The following MYO6 variants were observed in gnomAD, a reference collection of about 807,000 sequenced individuals.
MYO6 encodes the protein unconventional myosin-VI.
MYO6 carries 74 observed loss-of-function variants against 178.7 expected under a neutral mutation model. The ratio of observed to expected loss-of-function variants is 0.41; its 90% CI spans 0.34 to 0.50. The LOEUF (loss-of-function observed/expected upper bound fraction) is 0.50, where lower values mean the gene tolerates loss of function less well. MYO6 is among the 20% of genes least tolerant of loss of function. MYO6 has a pLI of 0.09. For missense variants in MYO6, 1,330 were observed against 1,547.4 expected, an observed-to-expected ratio of 0.86 and a Z score of 2.36; for synonymous variants, 477 against 504.6, an observed-to-expected ratio of 0.95 and a Z score of 0.73.
intron 23 of MYO6, among the ~76,000 whole-genome samples, chr6:75,885,031 C>T (rs1231376511): frequency 6.6e-6 from 1 of 152,130 alleles, no homozygotes; most frequent in Admixed American, 6.5e-5. Flanking sequence ...ATGTTTGTTT[C>T]AAAGTTAAAC....
chr6:75,904,750 G>C (rs1273035935), intron 30 of MYO6, among the ~76,000 whole-genome samples: 1 of 152,218 alleles, frequency 6.6e-6, no homozygotes, highest in East Asian at 1.9e-4. Flanking sequence ...TCTCCGTCCA[G>C]CTTTGTTCCG....
At chr6:75,893,515 C>A (rs1779065914) in intron 28 of MYO6, among the ~76,000 whole-genome samples, 5 of 151,946 alleles carry the variant, frequency 3.3e-5, no homozygotes, top group Admixed American at 3.3e-4. Context: ...CACTAGATGG[C>A]GATGTTTCCT....
At chr6:75,905,426 A>AT (rs1012385897) in intron 30 of MYO6, among the ~76,000 whole-genome samples, 6 of 152,138 alleles carry the variant, frequency 3.9e-5, no homozygotes, top group Non-Finnish European at 5.9e-5. Context: ...CTGGTGCGCC[A>AT]TTTTTTTAAG....
At chr6:75,758,156 T>C (rs1445883568) in intron 1 of MYO6, among the ~76,000 whole-genome samples, 4 of 151,728 alleles carry the variant, frequency 2.6e-5, no homozygotes, top group Admixed American at 2.0e-4. Context: ...TTTTGTATTT[T>C]TAGTAGACAC....
At chr6:75,844,823 T>G in intron 9 of MYO6, 74 bp from the exon 10 acceptor site, 1 of 1,200,278 alleles carries the variant, frequency 8.3e-7, no homozygotes, top group Non-Finnish European at 1.2e-6. Context: ...CACTATTTGG[T>G]AAGTTGTGTT....
At chr6:75,788,316 A>T (rs983115315) in intron 1 of MYO6, among the ~76,000 whole-genome samples, 2 of 152,072 alleles carry the variant, frequency 1.3e-5, no homozygotes, top group African/African-American at 4.8e-5. Flanking sequence ...GTGAGCCAAG[A>T]TCGTGCCACT....
intron 1 of MYO6, among the ~76,000 whole-genome samples, chr6:75,773,081 A>G (rs1297388958): frequency 1.3e-5 from 2 of 152,240 alleles, no homozygotes; most frequent in Non-Finnish European, 2.9e-5. Flanking sequence ...GTGAAATAAT[A>G]TAGTTGGTGC....
chr6:75,839,776 A>C (rs1017723023), intron 7 of MYO6, among the ~76,000 whole-genome samples: 6 of 152,116 alleles, frequency 3.9e-5, no homozygotes, highest in African/African-American at 1.4e-4. Context: ...TAAACTCTTA[A>C]TTTGTTAAAT....
chr6:75,785,085 T>C (rs1249227184), intron 1 of MYO6, among the ~76,000 whole-genome samples: 2 of 152,212 alleles, frequency 1.3e-5, no homozygotes, highest in African/African-American at 4.8e-5. Flanking sequence ...ATTCAAGGGA[T>C]ATTTTATTGA....
rs528865796 is a variant in MYO6, at chr6:75,900,794, A to C, written c.3176+2383A>C. ...TGCCATTGCTTTTGGTGTTTTAGAC[A>C]TGAAGTCCTTGCCCATGCCTATGTC... On this transcript the variant is annotated intron_variant, in intron 30 of 34. Coordinates refer to ENST00000369977, the MANE Select transcript of MYO6 (RefSeq NM_004999.4). 2.9e-3 allele frequency among the ~76,000 whole-genome samples: 445 copies of C among 151,634 alleles called. 5 individuals are homozygous for C. The highest frequency in any genetic ancestry group is 0.01 in the African/African-American group (429 of 41,334).
At position 75,860,744 on chromosome 6, in the gene MYO6, T is replaced by C. The variant is rs1776130016; in HGVS notation, c.1474-279T>C. Among the ~76,000 whole-genome samples, 3 of 152,360 alleles carry C rather than the reference T, an allele frequency of 2.0e-5. No homozygotes were observed. The South Asian group carries it at 6.2e-4, about 32-fold the overall frequency. On this transcript the variant is annotated intron_variant, in intron 14 of 34. Coordinates refer to ENST00000369977, the MANE Select transcript of MYO6 (RefSeq NM_004999.4). Reference sequence around the variant, plus strand: ...GGACTCAAATTTGATCATATATTGTTCTTCTAAATTACACTTATTTTCCCC... The same window carrying C: ...GGACTCAAATTTGATCATATATTGTCCTTCTAAATTACACTTATTTTCCCC...
chr6:75,898,332 G>T, intron 29 of MYO6, 41 bp from the exon 30 acceptor site: 2 of 1,371,502 alleles, frequency 1.5e-6, no homozygotes, highest in South Asian at 1.2e-5. Flanking sequence ...TATGTAGTAT[G>T]ACTTTTATGT....
chr6:75,854,332 A>G (rs1432742398), intron 11 of MYO6, among the ~76,000 whole-genome samples: 2 of 130,626 alleles, frequency 1.5e-5, no homozygotes, highest in East Asian at 4.5e-4. Flanking sequence ...TGCAGTGTAA[A>G]GATATTGAAA....
chr6:75,870,097 G>C (rs1233219247), intron 18 of MYO6, among the ~76,000 whole-genome samples: 1 of 151,350 alleles, frequency 6.6e-6, no homozygotes, highest in African/African-American at 2.4e-5. Flanking sequence ...CTGGGCGACA[G>C]AGCAAGACTC....
chr6:75,865,719 A>G (rs1250741877), intron 16 of MYO6, among the ~76,000 whole-genome samples: 3 of 139,190 alleles, frequency 2.2e-5, no homozygotes, highest in Non-Finnish European at 5.0e-5. Context: ...TGATCTTGTA[A>G]GTGAAAACAT....
intron 16 of MYO6, among the ~76,000 whole-genome samples, chr6:75,866,273 C>G (rs77785498): frequency 4.3e-5 from 4 of 94,068 alleles, no homozygotes; most frequent in Non-Finnish European, 4.9e-5. Flanking sequence ...CTGTCTCTGT[C>G]TCTGTGTGTG....
At chr6:75,750,643 C>G (rs968898580) in intron 1 of MYO6, among the ~76,000 whole-genome samples, 1 of 150,110 alleles carries the variant, frequency 6.7e-6, no homozygotes, top group Non-Finnish European at 1.5e-5. Flanking sequence ...GAGCCTCGCT[C>G]TGTCAGCTCA....
At chr6:75,841,837 T>G (rs1774260108) in intron 9 of MYO6, among the ~76,000 whole-genome samples, 1 of 152,240 alleles carries the variant, frequency 6.6e-6, no homozygotes, top group Non-Finnish European at 1.5e-5. Flanking sequence ...ACCACTGTAC[T>G]GAGAAGATCT....
In MYO6 at chr6:75,918,078, A is replaced by C. The variant is rs1209569467; in HGVS notation, c.*3066A>C. The C allele has an allele frequency of 6.6e-6, 1 of 152,256 alleles. No homozygotes were observed. The highest frequency in any genetic ancestry group is 6.5e-5 in the Admixed American group (1 of 15,280). The allele number at this position is 152,256 out of a possible 1,614,324, so 9.4% of individuals were successfully genotyped here. A position where few individuals can be genotyped will look rare whatever the true frequency, so the allele number is the denominator to read the frequency against. ...ATATCAAAGCCTTTGCTGCAATCAT[A>C]TGTAACAAAAAGAACCAAAACAAAC... On this transcript the variant is annotated 3_prime_UTR_variant, in exon 35 of 35. Coordinates refer to ENST00000369977, the MANE Select transcript of MYO6 (RefSeq NM_004999.4).
Sources: gnomAD v4.1 joint callset for allele counts (sites outside exome capture counted in the v4.1 genomes callset) on GRCh38, gnomAD v4.1.1 for gene constraint, MANE v1.5 for transcripts, NCBI Gene and HGNC (gene_info 2026-07-23, HGNC 2026-07-21) for gene names.